MIGA2: variants seen among roughly 807,000 people sequenced by gnomAD.
MIGA2 encodes mitoguardin 2.
Under a neutral mutation model 69.9 loss-of-function variants are expected in MIGA2, and 36 were observed. The observed-to-expected ratio is 0.52, with a 90% confidence interval of 0.39 to 0.68. The LOEUF (loss-of-function observed/expected upper bound fraction) is 0.68, where lower values mean the gene tolerates loss of function less well. Ranked by LOEUF, MIGA2 falls within the 30% of genes least tolerant of loss-of-function variation. The pLI is 0.00. For synonymous variants in MIGA2, 333 were observed against 349.2 expected, an observed-to-expected ratio of 0.95 and a Z score of 0.52; for missense variants, 660 against 787.7, an observed-to-expected ratio of 0.84 and a Z score of 1.94.
At chr9:129,046,184 A>G (rs569096812) in intron 3 of MIGA2, among the ~76,000 whole-genome samples, 4 of 152,172 alleles carry the variant, frequency 2.6e-5, no homozygotes, top group Admixed American at 1.3e-4. Flanking sequence ...TGAGACTAAT[A>G]TGGAAGAGGA....
At chr9:129,049,747 G>T in intron 5 of MIGA2, 80 bp from the exon 6 acceptor site, 1 of 1,601,534 alleles carries the variant, frequency 6.2e-7, no homozygotes, top group Non-Finnish European at 8.5e-7. Context: ...AGGCCCTCCT[G>T]CCTCCTTGAT....
chr9:129,067,748 G>C, intron 11 of MIGA2, 25 bp from the exon 12 acceptor site: 1 of 1,594,244 alleles, frequency 6.3e-7, no homozygotes, highest in Non-Finnish European at 8.6e-7. Flanking sequence ...CCAGTGACCA[G>C]GATGGGCCGT....
At chr9:129,053,506 G>C (rs544097579) in intron 6 of MIGA2, among the ~76,000 whole-genome samples, 1 of 151,912 alleles carries the variant, frequency 6.6e-6, no homozygotes, top group Non-Finnish European at 1.5e-5. Context: ...TTGGATTACA[G>C]GCATGTGTCA....
intron 4 of MIGA2, among the ~76,000 whole-genome samples, chr9:129,048,893 G>A (rs909804107): frequency 2.6e-5 from 4 of 152,294 alleles, no homozygotes; most frequent in Admixed American, 2.6e-4. Context: ...GGCTTCTTCT[G>A]GGGTGTGGCT....
Position 129,049,791 on chromosome 9 carries a change from G to T in MIGA2, c.539-36G>T. On this transcript the variant is annotated intron_variant, in intron 5 of 15. Transcript: ENST00000684074. ...CCCCCTCTTGGGTGAGACTGTGGAG[G>T]TGCTGACCCACGCTTTTCGCCTCAC... The T allele has an allele frequency of 1.9e-6, 3 of 1,612,916 alleles. No individual in the cohort carries two copies. The South Asian group carries it at 3.3e-5, about 18-fold the overall frequency.
rs1846072428 is a variant in MIGA2 at position 129,061,625 on chromosome 9, A to G, written c.1010+279A>G. The stretch of plus-strand genomic sequence containing the variant: ...CCAGTTCTAAATTCTGAGAGAGTGT[A>G]TGCTTCTACAGCACATACACTGAAA... On this transcript the variant is annotated intron_variant, in intron 9 of 15. Transcript: ENST00000684074. This position sits in a 1 kb window ranked among gnomAD's most constrained non-coding sequence, Gnocchi z 5.0. Among the ~76,000 whole-genome samples, 1 of 152,250 alleles carries G rather than the reference A, an allele frequency of 6.6e-6. No homozygotes were observed. Among genetic ancestry groups the G allele is most frequent in the African/African-American group, 2.4e-5 (1 of 41,466 alleles).
Position 129,042,480 on chromosome 9 carries a change from C to T in MIGA2, c.273C>T (p.Ile91=), listed in dbSNP as rs1014077919. 8 of 1,595,092 alleles carry T rather than the reference C, an allele frequency of 5.0e-6. No homozygotes were observed. The highest frequency in any genetic ancestry group is 1.3e-5 in the African/African-American group (1 of 74,522). ...AGCTGGGCACGGTGCCCCTCCCTAT[C>T]CTCTTGGCCAGGAAGGTCCCTTCAG... ...GEQLGTVPLP[I]LLARKVPSVK... Residue 91 remains isoleucine (I), a synonymous_variant, in exon 3 of 16, where the codon ATC becomes ATT. Transcript: ENST00000684074.
At chr9:129,045,862 TG>T (rs1285855077) in intron 3 of MIGA2, among the ~76,000 whole-genome samples, 2 of 151,846 alleles carry the variant, frequency 1.3e-5, no homozygotes, top group African/African-American at 4.8e-5. Context: ...TTTTTTTTTT[TG>T]GTTTTTTTTT....
In MIGA2 at chr9:129,069,218, C is replaced by A; in HGVS notation, c.1458+89C>A. On this transcript the variant is annotated intron_variant, in intron 14 of 15. Coordinates refer to ENST00000684074, the MANE Select transcript of MIGA2 (RefSeq NM_001329990.2). This position sits in a 1 kb window ranked among gnomAD's most constrained non-coding sequence, Gnocchi z 4.9. ...AGCGGGTGCAGGGTGGCTCGCTGGGCCACTTGGCCTTCACCGCTCACAGTC... is the reference window on the plus strand; with the variant it reads ...AGCGGGTGCAGGGTGGCTCGCTGGGACACTTGGCCTTCACCGCTCACAGTC... The A allele has an allele frequency of 1.3e-6, 2 of 1,517,928 alleles. No homozygotes were observed. The highest frequency in any genetic ancestry group is 1.8e-6 in the Non-Finnish European group (2 of 1,099,310). 94.0% of individuals were successfully genotyped at this position (1,517,928 alleles called of 1,614,324 possible). A position where few individuals can be genotyped will look rare whatever the true frequency, so the allele number is the denominator to read the frequency against.
intron 6 of MIGA2, among the ~76,000 whole-genome samples, chr9:129,051,066 G>C (rs982700658): frequency 6.6e-6 from 1 of 151,578 alleles, no homozygotes; most frequent in African/African-American, 2.4e-5. Flanking sequence ...TAGAGATGGG[G>C]TTTCATCGTA....
chr9:129,048,634 A>T, intron 4 of MIGA2, 95 bp downstream of exon 4: 1 of 907,858 alleles, frequency 1.1e-6, no homozygotes, highest in Non-Finnish European at 1.8e-6. Context: ...GGTAGAGTCC[A>T]TTCATTCATT....
chr9:129,048,638 A>G, intron 4 of MIGA2, 99 bp downstream of exon 4: 1 of 896,830 alleles, frequency 1.1e-6, no homozygotes. Flanking sequence ...GAGTCCATTC[A>G]TTCATTCTCT....
intron 11 of MIGA2, chr9:129,067,566 G>A: frequency 1.7e-6 from 1 of 578,246 alleles, no homozygotes. Context: ...GCTCAGCAGA[G>A]GAGCTGGCTT....
chr9:129,070,193 G>A, intron 15 of MIGA2, 54 bp from the exon 16 acceptor site: 1 of 1,579,406 alleles, frequency 6.3e-7, no homozygotes, highest in Non-Finnish European at 8.7e-7. Context: ...AACCTGGGGG[G>A]CATCATGGTG....
rs138448467 is a variant in MIGA2, at chr9:129,058,276, C to T, written c.676-878C>T. ...GTTAGCCAGGTATGGTGATGTATGCCTGTAGTGTCCTAGCTACTAGGGAAG... is the reference window on the plus strand; with the variant it reads ...GTTAGCCAGGTATGGTGATGTATGCTTGTAGTGTCCTAGCTACTAGGGAAG... On this transcript the variant is annotated intron_variant, in intron 6 of 15. Transcript: ENST00000684074. Among the ~76,000 whole-genome samples, 557 of 151,814 alleles carry T rather than the reference C, an allele frequency of 3.7e-3. 10 individuals carry two copies. Among genetic ancestry groups the T allele is most frequent in the East Asian group, 0.015 (77 of 5,114 alleles).
intron 3 of MIGA2, among the ~76,000 whole-genome samples, chr9:129,043,461 A>G (rs894321868): frequency 1.4e-5 from 2 of 141,656 alleles, no homozygotes; most frequent in African/African-American, 5.3e-5. Flanking sequence ...ATCTCGGTTC[A>G]TTGCAGCCTC....
Position 129,060,824 on chromosome 9 carries a change from G to A in MIGA2, c.894+174G>A, listed in dbSNP as rs919887339. On this transcript the variant is annotated intron_variant, in intron 8 of 15. Coordinates refer to ENST00000684074, the MANE Select transcript of MIGA2 (RefSeq NM_001329990.2). This position sits in a 1 kb window ranked among gnomAD's most constrained non-coding sequence, Gnocchi z 4.8. ...TGGGGATGGGGGGTGCTGAGAAATC[G>A]GGGGCTGTTGTCCTGTGGGTGAGAG... Among the ~76,000 whole-genome samples, 2 of 152,014 alleles carry A rather than the reference G, an allele frequency of 1.3e-5. No individual in the cohort carries two copies. The highest frequency in any genetic ancestry group is 4.8e-5 in the African/African-American group (2 of 41,398).
intron 1 of MIGA2, among the ~76,000 whole-genome samples, chr9:129,037,500 G>A (rs1179551240): frequency 6.6e-6 from 1 of 152,118 alleles, no homozygotes; most frequent in South Asian, 2.1e-4. Context: ...GAGGTGGAGG[G>A]GTCTCAGCTT....
intron 1 of MIGA2, among the ~76,000 whole-genome samples, chr9:129,037,383 G>A (rs1197134206): frequency 6.6e-6 from 1 of 152,182 alleles, no homozygotes; most frequent in African/African-American, 2.4e-5. Context: ...GTCCGCCTAA[G>A]ATTGTAGGGC....
Sources: allele counts gnomAD v4.1 joint callset (sites outside exome capture counted in the v4.1 genomes callset), GRCh38; gene constraint gnomAD v4.1.1; non-coding constraint Gnocchi (gnomAD v3.1); transcripts MANE v1.5; gene names NCBI Gene and HGNC (gene_info 2026-07-23, HGNC 2026-07-21).